RARS1: variants seen among roughly 807,000 people sequenced by gnomAD.
The protein encoded by RARS1 is arginine--tRNA ligase, cytoplasmic.
Under a neutral mutation model 78.7 loss-of-function variants are expected in RARS1, and 75 were observed. That is an observed-to-expected ratio of 0.95 (90% confidence interval 0.79 to 1.15). RARS1 has a LOEUF of 1.15. Ranked by LOEUF, RARS1 falls within the 50% of genes most tolerant of loss-of-function variation. The pLI, the probability that RARS1 is intolerant of heterozygous loss-of-function variation, is 0.00. For synonymous variants in RARS1, 273 were observed against 268.2 expected (o/e 1.02, Z -0.18); for missense variants, 787 against 787.5 (o/e 1.00, Z 0.01).
chr5:168,510,577 T>C lies in RARS1; in HGVS notation c.1347-4T>C, dbSNP rs1329141603. 1.2e-6 allele frequency: 2 copies of C among 1,601,702 alleles called. No homozygotes were observed. The highest frequency in any genetic ancestry group is 3.5e-5 in the Admixed American group (2 of 56,386). ...AATCTGATTGGGGGTTTTACATTTT[T>C]TAGGAAAAAGTTTAAAACACGTTCG... On this transcript the variant is annotated splice_region_variant and splice_polypyrimidine_tract_variant and intron_variant, in intron 11 of 14. Coordinates refer to ENST00000231572, the MANE Select transcript of RARS1 (RefSeq NM_002887.4).
At chr5:168,489,344 GT>G (rs1234336417) in intron 2 of RARS1, among the ~76,000 whole-genome samples, 7 of 152,176 alleles carry the variant, frequency 4.6e-5, no homozygotes, top group Admixed American at 1.3e-4. Flanking sequence ...TCTTTCAACA[GT>G]TTATGCCCAT....
chr5:168,513,221 A>T (rs71603865), intron 12 of RARS1, among the ~76,000 whole-genome samples: 9,493 of 91,304 alleles, frequency 0.1, 419 homozygotes, highest in Middle Eastern at 0.25. Flanking sequence ...AATTTTTTGT[A>T]TTTTTTTTTT....
chr5:168,489,301 A>G (rs1758031468), intron 2 of RARS1, among the ~76,000 whole-genome samples: 1 of 152,092 alleles, frequency 6.6e-6, no homozygotes, highest in Non-Finnish European at 1.5e-5. Context: ...AATTACAAGT[A>G]TAACCTACTG....
At chr5:168,508,702 A>T (rs1758500473) in intron 11 of RARS1, among the ~76,000 whole-genome samples, 1 of 151,172 alleles carries the variant, frequency 6.6e-6, no homozygotes, top group Non-Finnish European at 1.5e-5. Context: ...ATGCTCACAG[A>T]TTCTATTTTT....
intron 1 of RARS1, among the ~76,000 whole-genome samples, chr5:168,488,000 G>T (rs1018869303): frequency 6.6e-6 from 1 of 152,162 alleles, no homozygotes; most frequent in Non-Finnish European, 1.5e-5. Context: ...AACTACTCTT[G>T]CTAAATCAGA....
In RARS1 at chr5:168,492,768, ATCC is replaced by A. The variant is rs1758112728; in HGVS notation, c.296_298del (p.Pro99del). The A allele has an allele frequency of 6.2e-7, 1 of 1,613,822 alleles. No individual in the cohort carries two copies. On this transcript the variant is annotated inframe_deletion, in exon 3 of 15. Coordinates refer to ENST00000231572, the MANE Select transcript of RARS1 (RefSeq NM_002887.4). Reference sequence around the variant, plus strand: ...AAGGCTGCATATCCAGATTTGGAAAATCCTCCTCTGCTAGTGACACCAAGTCAG... The same window carrying A: ...AAGGCTGCATATCCAGATTTGGAAAATCCTCTGCTAGTGACACCAAGTCAG...
chr5:168,486,696 T>C (rs1305009578), intron 1 of RARS1, among the ~76,000 whole-genome samples, 153 bp downstream of exon 1: 1 of 152,044 alleles, frequency 6.6e-6, no homozygotes, highest in East Asian at 1.9e-4. Context: ...CAGGAAGGGT[T>C]GAGAGAGGAA....
At position 168,488,911 on chromosome 5, in the gene RARS1, G is replaced by A. The variant is rs148942836; in HGVS notation, c.180+175G>A. 4.0e-3 allele frequency among the ~76,000 whole-genome samples: 607 copies of A among 152,340 alleles called. 1 individual carries two copies. Among genetic ancestry groups the A allele is most frequent in the African/African-American group, 0.014 (577 of 41,576 alleles). On this transcript the variant is annotated intron_variant, in intron 2 of 14. Coordinates refer to ENST00000231572, the MANE Select transcript of RARS1 (RefSeq NM_002887.4). ...AGGACTGAGGTAGTTGGTGCAAATA[G>A]TGACAAGTTGGTGTTGTCCTGTCCT...
intron 6 of RARS1, 82 bp downstream of exon 6, chr5:168,495,518 C>A: frequency 6.7e-7 from 1 of 1,502,248 alleles, no homozygotes; most frequent in South Asian, 1.4e-5. Context: ...ATATCTCACT[C>A]AAGAAAGAAC....
At position 168,517,906 on chromosome 5, in the gene RARS1, A is replaced by G. The variant is rs1281478708; in HGVS notation, c.1717A>G (p.Lys573Glu). Reference sequence around the variant, plus strand: ...TCTTTTGGATCATGAGAAGGAATGGAAACTAGGCCGGTGCATTTTACGGTT... The same window carrying G: ...TCTTTTGGATCATGAGAAGGAATGGGAACTAGGCCGGTGCATTTTACGGTT... ...KILLDHEKEWKLGRCILRFPE... is the reference protein window; with the variant it reads ...KILLDHEKEWELGRCILRFPE... Residue 573 changes from lysine (K) to glutamate (E), a missense_variant, in exon 14 of 15, where the codon AAA becomes GAA. By Grantham distance (56) the Lys-to-Glu change is moderately conservative. Transcript: ENST00000231572. 2 of 1,613,672 alleles carry G rather than the reference A, an allele frequency of 1.2e-6. No homozygotes were observed. The highest frequency in any genetic ancestry group is 1.7e-6 in the Non-Finnish European group (2 of 1,179,998).
At chr5:168,514,115 T>G (rs12521858) in intron 12 of RARS1, among the ~76,000 whole-genome samples, 6,539 of 152,254 alleles carry the variant, frequency 0.043, 443 homozygotes, top group Admixed American at 0.18. Flanking sequence ...AGTATGTATC[T>G]TTTTCTCAGA....
In RARS1 at chr5:168,516,627, C is replaced by T. The variant is rs76121814; in HGVS notation, c.1453-151C>T. On this transcript the variant is annotated intron_variant, in intron 12 of 14. Transcript: ENST00000231572. ...TCATTATTTTGTTTGTACATTGGCC[C>T]ATGTCCTTCTGCCTCAGTGTCAGTG... 0.15 allele frequency: 101,010 copies of T among 663,792 alleles called. 9,108 individuals are homozygous for T. Among genetic ancestry groups the T allele is most frequent in the Non-Finnish European group, 0.19 (73,478 of 393,976 alleles). 41.1% of individuals were successfully genotyped at this position (663,792 alleles called of 1,614,324 possible). A position where few individuals can be genotyped will look rare whatever the true frequency, so the allele number is the denominator to read the frequency against.
At chr5:168,512,686 A>T (rs1351682181) in intron 12 of RARS1, among the ~76,000 whole-genome samples, 5 of 152,200 alleles carry the variant, frequency 3.3e-5, no homozygotes, top group Non-Finnish European at 7.3e-5. Flanking sequence ...CACGGGAGAA[A>T]GATGTAGGCC....
intron 8 of RARS1, among the ~76,000 whole-genome samples, chr5:168,501,620 G>A (rs1180577258): frequency 1.3e-5 from 2 of 152,218 alleles, no homozygotes; most frequent in Non-Finnish European, 1.5e-5. Flanking sequence ...CTACTTGGGA[G>A]GCTGAGGCAG....
chr5:168,497,612 G>A lies in RARS1; in HGVS notation c.822+264G>A, dbSNP rs113720769. Among the ~76,000 whole-genome samples, 134 of 152,156 alleles carry A rather than the reference G, an allele frequency of 8.8e-4. 1 individual carries two copies. Among genetic ancestry groups the A allele is most frequent in the African/African-American group, 3.1e-3 (129 of 41,486 alleles). On this transcript the variant is annotated intron_variant, in intron 7 of 14. Coordinates refer to ENST00000231572, the MANE Select transcript of RARS1 (RefSeq NM_002887.4). ...GCGCTAGCATCTGCTCAGTTTCTGGGGAGGACTCAGGGAGTTTTATTTATG... is the reference window on the plus strand; with the variant it reads ...GCGCTAGCATCTGCTCAGTTTCTGGAGAGGACTCAGGGAGTTTTATTTATG...
intron 13 of RARS1, 41 bp downstream of exon 13, chr5:168,516,991 A>C (rs1561829232): frequency 6.4e-7 from 1 of 1,573,066 alleles, no homozygotes; most frequent in Admixed American, 1.8e-5. Flanking sequence ...AATCAAATGA[A>C]AGCATATTTA....
intron 12 of RARS1, among the ~76,000 whole-genome samples, chr5:168,511,168 G>A (rs909944508): frequency 6.6e-6 from 1 of 151,506 alleles, no homozygotes; most frequent in African/African-American, 2.4e-5. Context: ...TGTGGAATTT[G>A]GAGGAATTGA....
At chr5:168,504,959 G>A (rs1758407328) in intron 9 of RARS1, among the ~76,000 whole-genome samples, 1 of 152,174 alleles carries the variant, frequency 6.6e-6, no homozygotes, top group Admixed American at 6.5e-5. Context: ...GCATGACAGA[G>A]AAAGACCTGG....
chr5:168,501,402 T>G (rs190324119), intron 8 of RARS1, among the ~76,000 whole-genome samples: 1 of 151,854 alleles, frequency 6.6e-6, no homozygotes, highest in Admixed American at 6.6e-5. Context: ...TTTTTTCTTC[T>G]CATTTACATT....
Sources: allele counts gnomAD v4.1 joint callset (sites outside exome capture counted in the v4.1 genomes callset), GRCh38; gene constraint gnomAD v4.1.1; transcripts MANE v1.5; gene names NCBI Gene and HGNC (gene_info 2026-07-23, HGNC 2026-07-21).